DST: variants seen among roughly 807,000 people sequenced by gnomAD.
DST encodes bullous pemphigoid antigen.
DST carries 253 observed loss-of-function variants against 875.2 expected under a neutral mutation model. That is an observed-to-expected ratio of 0.29 (90% CI 0.26 to 0.32). The LOEUF (loss-of-function observed/expected upper bound fraction) is 0.32. DST is among the 10% of genes least tolerant of loss of function. The pLI, the probability that DST is intolerant of heterozygous loss-of-function variation, is 1.00. For synonymous variants in DST, 3,124 were observed against 3,197.1 expected, an observed-to-expected ratio of 0.98 and a Z score of 0.77; for missense variants, 8,287 against 9,111.6, an observed-to-expected ratio of 0.91 and a Z score of 3.68.
chr6:56,506,796 T>C lies in DST; in HGVS notation c.19240-7A>G, dbSNP rs760006893. On this transcript the variant is annotated splice_polypyrimidine_tract_variant and splice_region_variant and intron_variant, in intron 75 of 103. Coordinates refer to ENST00000680361, the MANE Select transcript of DST (RefSeq NM_001374736.1). ...CTATTTCTTCCCTTATGGTCTAGAATAAGAAAATGACAGCCTTAGAATTTT... is the reference window on the plus strand; with the variant it reads ...CTATTTCTTCCCTTATGGTCTAGAACAAGAAAATGACAGCCTTAGAATTTT... The C allele has an allele frequency of 1.9e-6, 3 of 1,604,004 alleles. No individual in the cohort carries two copies. In the African/African-American group the frequency reaches 4.0e-5, roughly 22 times the overall value.
chr6:56,731,609 GT>G (rs1310223510), intron 5 of DST, among the ~76,000 whole-genome samples: 1 of 152,156 alleles, frequency 6.6e-6, no homozygotes, highest in East Asian at 1.9e-4. Context: ...AGAGATTGAT[GT>G]GTTTCATCTC....
intron 53 of DST, among the ~76,000 whole-genome samples, chr6:56,570,296 C>A (rs746079749): frequency 4.6e-5 from 7 of 152,052 alleles, no homozygotes; most frequent in African/African-American, 7.2e-5. Context: ...TGCTTTATTT[C>A]TATTATATTT....
chr6:56,570,743 T>G (rs1355503881), intron 53 of DST, among the ~76,000 whole-genome samples: 1 of 152,196 alleles, frequency 6.6e-6, no homozygotes, highest in African/African-American at 2.4e-5. Flanking sequence ...ATAGGAGTAT[T>G]CAAGAAATCT....
At chr6:56,847,464 C>T (rs2099808380) in intron 4 of DST, among the ~76,000 whole-genome samples, 1 of 152,234 alleles carries the variant, frequency 6.6e-6, no homozygotes, top group South Asian at 2.1e-4. Flanking sequence ...GCACTTACAA[C>T]ATAAATAGTC....
Position 56,569,965 on chromosome 6 carries a change from A to T in DST, c.13769T>A (p.Val4590Asp). 1 of 1,608,490 alleles carries T rather than the reference A, an allele frequency of 6.2e-7. No homozygotes were observed. The highest frequency in any genetic ancestry group is 8.5e-7 in the Non-Finnish European group (1 of 1,178,356). Residue 4590 changes from valine to aspartate, a missense_variant, in exon 54 of 104, where the codon GTT becomes GAT. Coordinates refer to ENST00000680361, the MANE Select transcript of DST (RefSeq NM_001374736.1). ...CCATGACTTCAATGATTTAACAAGA[A>T]CTTGGAAAGCATCCAACTGTTCTTG... ...SCQEQLDAFQ[V>D]LVKSLKSWIK...
At chr6:56,528,295 A>G (rs1584119850) in intron 67 of DST, among the ~76,000 whole-genome samples, 1 of 152,304 alleles carries the variant, frequency 6.6e-6, no homozygotes, top group East Asian at 1.9e-4. Context: ...CCCAACATAC[A>G]CATATTGCTG....
chr6:56,818,602 T>A (rs905421737), intron 4 of DST, among the ~76,000 whole-genome samples: 1 of 152,070 alleles, frequency 6.6e-6, no homozygotes, highest in Non-Finnish European at 1.5e-5. Flanking sequence ...AAATAATAAT[T>A]GATTTTCCTT....
intron 4 of DST, among the ~76,000 whole-genome samples, chr6:56,785,092 G>T (rs1339654469): frequency 6.6e-6 from 1 of 152,176 alleles, no homozygotes; most frequent in Non-Finnish European, 1.5e-5. Context: ...TGGAAGTTTT[G>T]TCTCAGAGGA....
intron 36 of DST, chr6:56,619,537 C>A: frequency 1.2e-6 from 2 of 1,612,860 alleles, no homozygotes; most frequent in South Asian, 1.1e-5. Flanking sequence ...GCTGAATATT[C>A]TTCTCAGCTA....
chr6:56,616,458 G>A, intron 36 of DST: 2 of 1,614,050 alleles, frequency 1.2e-6, no homozygotes, highest in Non-Finnish European at 1.7e-6. Context: ...GAAATTCTAT[G>A]TGTTTTCTTG....
At chr6:56,554,073 C>CTTTTTTTTTTT (rs555704557) in intron 60 of DST, among the ~76,000 whole-genome samples, 2 of 80,840 alleles carry the variant, frequency 2.5e-5, no homozygotes, top group Non-Finnish European at 4.8e-5. Context: ...GCGTCTATGA[C>CTTTTTTTTTTT]TTTTTTTTTT....
At chr6:56,587,784 A>G (rs1183381748) in intron 49 of DST, among the ~76,000 whole-genome samples, 1 of 152,098 alleles carries the variant, frequency 6.6e-6, no homozygotes, top group South Asian at 2.1e-4. Context: ...AGAATTTTCA[A>G]CCCAGAATTT....
At chr6:56,636,798 G>A in intron 22 of DST, 146 bp from the exon 23 acceptor site, 1 of 743,434 alleles carries the variant, frequency 1.3e-6, no homozygotes, top group Non-Finnish European at 2.3e-6. Flanking sequence ...AATTAGGGCA[G>A]TGGCTGGGCA....
chr6:56,928,766 GCTTCACTTA>G (rs1267928448), intron 2 of DST, among the ~76,000 whole-genome samples: 12 of 151,844 alleles, frequency 7.9e-5, no homozygotes, highest in African/African-American at 2.9e-4. Flanking sequence ...GAAACCAATA[GCTTCACTTA>G]CAGAAACTAC....
At chr6:56,643,184 T>C (rs1201989764) in intron 15 of DST, among the ~76,000 whole-genome samples, 1 of 152,204 alleles carries the variant, frequency 6.6e-6, no homozygotes, top group African/African-American at 2.4e-5. Flanking sequence ...TAAAGATTAT[T>C]CTGGCAATAC....
At chr6:56,941,320 T>A (rs1029058682) in intron 2 of DST, among the ~76,000 whole-genome samples, 1 of 152,208 alleles carries the variant, frequency 6.6e-6, no homozygotes, top group Non-Finnish European at 1.5e-5. Flanking sequence ...TTTAGAAGAA[T>A]GTTATTTAAT....
chr6:56,617,432 T>G (rs1184921565), intron 36 of DST: 2 of 1,601,458 alleles, frequency 1.2e-6, no homozygotes, highest in Non-Finnish European at 1.7e-6. Context: ...TAACAGGAAT[T>G]TATAAAATGT....
chr6:56,598,106 G>T, intron 46 of DST, 100 bp from the exon 47 acceptor site: 1 of 1,167,780 alleles, frequency 8.6e-7, no homozygotes, highest in Middle Eastern at 2.1e-4. Flanking sequence ...AAATTAGAAT[G>T]AGGGTACTAA....
intron 4 of DST, chr6:56,843,048 C>A (rs746295189): frequency 1.4e-6 from 2 of 1,471,554 alleles, no homozygotes; most frequent in South Asian, 1.5e-5. Context: ...GGGCAGGGAC[C>A]ACATACCTTT....
Sources: allele counts gnomAD v4.1 joint callset (sites outside exome capture counted in the v4.1 genomes callset), GRCh38; gene constraint gnomAD v4.1.1; transcripts MANE v1.5; gene names NCBI Gene and HGNC (gene_info 2026-07-23, HGNC 2026-07-21).